GYS2: variants seen among roughly 807,000 people sequenced by gnomAD.
GYS2 encodes the protein glycogen [starch] synthase, liver.
GYS2 carries 80 observed loss-of-function variants against 85.6 expected under a neutral mutation model. The ratio of observed to expected loss-of-function variants is 0.93; its 90% confidence interval spans 0.78 to 1.13. The LOEUF (loss-of-function observed/expected upper bound fraction) is 1.13. Ranked by LOEUF, GYS2 falls within the 50% of genes most tolerant of loss-of-function variation. The probability of loss-of-function intolerance (pLI) is 0.00; values close to 1 mark genes in which losing one functional copy is unlikely to be tolerated. For missense variants in GYS2, 881 were observed against 854.9 expected (o/e 1.03, Z -0.38); for synonymous variants, 328 against 300.7 (o/e 1.09, Z -0.94).
chr12:21,533,138 G>A (rs931714440), downstream of GYS2, among the ~76,000 whole-genome samples: 5 of 152,132 alleles, frequency 3.3e-5, no homozygotes, highest in African/African-American at 9.7e-5. Flanking sequence ...TGCAGGGAGC[G>A]CTTTCAGCCA....
chr12:21,535,398 T>C (rs928244799), downstream of GYS2, among the ~76,000 whole-genome samples: 1 of 152,110 alleles, frequency 6.6e-6, no homozygotes, highest in Non-Finnish European at 1.5e-5. Flanking sequence ...TATAAGTCCT[T>C]CTCATATTTT....
At chr12:21,541,140 C>T (rs1377622852) in intron 13 of GYS2, among the ~76,000 whole-genome samples, 2 of 151,618 alleles carry the variant, frequency 1.3e-5, no homozygotes, top group East Asian at 3.9e-4. Context: ...TGGTGGTGTG[C>T]GCCTGTAGCC....
chr12:21,587,956 T>G (rs868371294), intron 1 of GYS2, among the ~76,000 whole-genome samples: 12 of 151,740 alleles, frequency 7.9e-5, no homozygotes, highest in Admixed American at 1.3e-4. Flanking sequence ...TAGGGAGGGG[T>G]AAGGGGAGGA....
intron 13 of GYS2, among the ~76,000 whole-genome samples, chr12:21,541,995 A>C (rs1230431493): frequency 6.6e-6 from 1 of 152,120 alleles, no homozygotes; most frequent in Non-Finnish European, 1.5e-5. Context: ...ACTTAAGATA[A>C]TGACCTCCAG....
chr12:21,591,624 C>T (rs906862079), intron 1 of GYS2, among the ~76,000 whole-genome samples: 2 of 152,074 alleles, frequency 1.3e-5, no homozygotes, highest in Non-Finnish European at 2.9e-5. Flanking sequence ...TGTAGACATC[C>T]AGACAAATGA....
At chr12:21,587,260 G>T (rs1247012682) in intron 1 of GYS2, among the ~76,000 whole-genome samples, 1 of 152,140 alleles carries the variant, frequency 6.6e-6, no homozygotes, top group Non-Finnish European at 1.5e-5. Context: ...TCAGGTGATG[G>T]TCCACTAAAA....
intron 1 of GYS2, among the ~76,000 whole-genome samples, chr12:21,603,105 A>G (rs1944771533): frequency 6.6e-6 from 1 of 152,150 alleles, no homozygotes. Flanking sequence ...AAAATTTGTG[A>G]CTAGAAAAAG....
chr12:21,600,842 T>C (rs1944748665), intron 1 of GYS2, among the ~76,000 whole-genome samples: 1 of 152,118 alleles, frequency 6.6e-6, no homozygotes, highest in Admixed American at 6.6e-5. Flanking sequence ...CCACTTTGAC[T>C]CTAGTTTTCT....
chr12:21,563,047 A>T lies in GYS2; in HGVS notation c.942-9T>A. 1 of 1,591,588 alleles carries T rather than the reference A, an allele frequency of 6.3e-7. No homozygotes were observed. Among genetic ancestry groups the T allele is most frequent in the Non-Finnish European group, 8.6e-7 (1 of 1,159,906 alleles). Reference sequence around the variant, plus strand: ...GATCAAAGTCGAGATGACTAAAACAAAACAAAACCAAACAGTTTCAAATGA... The same window carrying T: ...GATCAAAGTCGAGATGACTAAAACATAACAAAACCAAACAGTTTCAAATGA... On this transcript the variant is annotated splice_polypyrimidine_tract_variant and intron_variant, in intron 6 of 15. Transcript: ENST00000261195.
chr12:21,603,799 C>A (rs1199130834), intron 1 of GYS2, among the ~76,000 whole-genome samples: 1 of 152,050 alleles, frequency 6.6e-6, no homozygotes, highest in Non-Finnish European at 1.5e-5. Flanking sequence ...TCTTTATTTT[C>A]AAAATCATTT....
At chr12:21,560,321 T>C (rs1851416634) in intron 8 of GYS2, 65 bp downstream of exon 8, 1 of 876,306 alleles carries the variant, frequency 1.1e-6, no homozygotes, top group Admixed American at 1.7e-5. Context: ...ACATGAGATG[T>C]CATTCACTTA....
chr12:21,587,678 C>A (rs1327339659), intron 1 of GYS2, among the ~76,000 whole-genome samples: 1 of 151,874 alleles, frequency 6.6e-6, no homozygotes, highest in Non-Finnish European at 1.5e-5. Context: ...TTATAAGCAG[C>A]ATGATAACGA....
intron 1 of GYS2, among the ~76,000 whole-genome samples, chr12:21,595,437 C>T (rs1387683408): frequency 6.6e-6 from 1 of 152,190 alleles, no homozygotes; most frequent in Admixed American, 6.5e-5. Context: ...AAGTTTCTGA[C>T]CTTACCTGGA....
At position 21,547,172 on chromosome 12, in the gene GYS2, G is replaced by C. The variant is rs574871306; in HGVS notation, c.1423-702C>G. Among the ~76,000 whole-genome samples, 4 of 152,262 alleles carry C rather than the reference G, an allele frequency of 2.6e-5. No individual in the cohort carries two copies. The East Asian group carries it at 7.7e-4, about 29-fold the overall frequency. ...GAGTAAAAGCCAAAGTGTTTACCAT[G>C]GCTTCTAAGCAGTGGTATGCTGGTA... On this transcript the variant is annotated intron_variant, in intron 11 of 15. Transcript: ENST00000261195.
Position 21,546,414 on chromosome 12 carries a change from A to G in GYS2, c.1479T>C (p.Tyr493=). ...SSTSPLLPMD[Y]EEFVRGCHLG... ...GATGACAACCTCTAACAAACTCTTC[A>G]TAGTCCATGGGTAGTAAGGGACTGG... Residue 493 remains tyrosine (Y), a synonymous_variant, in exon 12 of 16, where the codon TAT becomes TAC. Coordinates refer to ENST00000261195, the MANE Select transcript of GYS2 (RefSeq NM_021957.4). 1 of 1,598,038 alleles carries G rather than the reference A, an allele frequency of 6.3e-7. No homozygotes were observed. The highest frequency in any genetic ancestry group is 1.7e-4 in the Middle Eastern group (1 of 6,022).
At chr12:21,578,084 TA>T (rs1944466764) in intron 2 of GYS2, among the ~76,000 whole-genome samples, 2 of 152,176 alleles carry the variant, frequency 1.3e-5, no homozygotes, top group South Asian at 4.1e-4. Context: ...ATTTCTTCTC[TA>T]AAATATTCCA....
chr12:21,597,882 T>C (rs1240060573), intron 1 of GYS2, among the ~76,000 whole-genome samples: 1 of 152,096 alleles, frequency 6.6e-6, no homozygotes, highest in Non-Finnish European at 1.5e-5. Context: ...ATAAAATCAT[T>C]TCATTTGCAG....
At chr12:21,594,771 A>G (rs904827708) in intron 1 of GYS2, among the ~76,000 whole-genome samples, 1 of 152,236 alleles carries the variant, frequency 6.6e-6, no homozygotes, top group Admixed American at 6.5e-5. Context: ...AAATTAAAAA[A>G]TAGCTCCAGT....
rs74451154 is a variant in GYS2 at position 21,555,242 on chromosome 12, C to A, written c.1422+2958G>T. On this transcript the variant is annotated intron_variant, in intron 11 of 15. Transcript: ENST00000261195. ...ATGAGGCCTAGTTAGTACTGACATA[C>A]TCTGCAATGAAGTATAAGTCTCTGT... Among the ~76,000 whole-genome samples the A allele has an allele frequency of 2.9e-3, 440 of 152,190 alleles. 1 individual carries two copies. The highest frequency in any genetic ancestry group is 0.01 in the African/African-American group (426 of 41,536).
Sources: allele counts gnomAD v4.1 joint callset (sites outside exome capture counted in the v4.1 genomes callset), GRCh38; gene constraint gnomAD v4.1.1; transcripts MANE v1.5; gene names NCBI Gene and HGNC (gene_info 2026-07-23, HGNC 2026-07-21).